Variants in ST18 observed in about 807,000 individuals in gnomAD.
ST18 encodes suppression of tumorigenicity 18 protein.
ST18 carries 50 observed loss-of-function variants against 110.0 expected under a neutral mutation model. The observed-to-expected ratio is 0.45, with a 90% CI of 0.36 to 0.58. The LOEUF (loss-of-function observed/expected upper bound fraction) is 0.58, where lower values mean the gene tolerates loss of function less well. Ranked by LOEUF, ST18 falls within the 20% of genes least tolerant of loss-of-function variation. The probability of loss-of-function intolerance (pLI) is 0.00; values close to 1 mark genes in which losing one functional copy is unlikely to be tolerated. For missense variants in ST18, 1,306 were observed against 1,280.1 expected (o/e 1.02, Z -0.31); for synonymous variants, 461 against 452.4 (o/e 1.02, Z -0.24).
At chr8:52,234,310 G>A (rs1330985835) in intron 2 of ST18, among the ~76,000 whole-genome samples, 1 of 152,100 alleles carries the variant, frequency 6.6e-6, no homozygotes, top group Non-Finnish European at 1.5e-5. Flanking sequence ...TGTCACCCAG[G>A]CTGGAGTGCA....
At chr8:52,226,213 G>A (rs1285541971) in intron 3 of ST18, among the ~76,000 whole-genome samples, 2 of 152,142 alleles carry the variant, frequency 1.3e-5, no homozygotes, top group African/African-American at 4.8e-5. Flanking sequence ...CTTCCTTCAG[G>A]CCTTTCAACA....
At chr8:52,236,824 C>A (rs1207656766) in intron 2 of ST18, among the ~76,000 whole-genome samples, 1 of 152,060 alleles carries the variant, frequency 6.6e-6, no homozygotes. Flanking sequence ...ATAATGGGAA[C>A]ACTGAAATAA....
chr8:52,198,677 C>T (rs1008440912), intron 8 of ST18, among the ~76,000 whole-genome samples: 2 of 152,160 alleles, frequency 1.3e-5, no homozygotes, highest in Non-Finnish European at 2.9e-5. Context: ...TGTAATATCT[C>T]TATGTGTGAG....
chr8:52,361,037 G>A (rs929337120), intron 2 of ST18, among the ~76,000 whole-genome samples: 4 of 152,118 alleles, frequency 2.6e-5, no homozygotes, highest in Non-Finnish European at 5.9e-5. Flanking sequence ...TCTTACCATT[G>A]ACTACTTTCT....
At chr8:52,244,724 A>G (rs891992794) in intron 2 of ST18, among the ~76,000 whole-genome samples, 3 of 152,198 alleles carry the variant, frequency 2.0e-5, no homozygotes, top group Non-Finnish European at 1.5e-5. Context: ...AGGGCACTGT[A>G]CTTGAAAGGT....
At chr8:52,130,159 G>GAAAGAA (rs1362763273) in intron 22 of ST18, among the ~76,000 whole-genome samples, 9 of 148,572 alleles carry the variant, frequency 6.1e-5, no homozygotes, top group Admixed American at 4.0e-4. Flanking sequence ...AAGAAAGAAA[G>GAAAGAA]AAAGAAAAAG....
At chr8:52,248,919 G>A (rs1305933563) in intron 2 of ST18, among the ~76,000 whole-genome samples, 1 of 152,004 alleles carries the variant, frequency 6.6e-6, no homozygotes, top group African/African-American at 2.4e-5. Flanking sequence ...TAGGGGCTGG[G>A]GCAATTTTAC....
chr8:52,300,820 C>T (rs996276141), intron 2 of ST18, among the ~76,000 whole-genome samples: 1 of 152,054 alleles, frequency 6.6e-6, no homozygotes, highest in Non-Finnish European at 1.5e-5. Flanking sequence ...TACTCCTGGC[C>T]CTTTACAGAA....
intron 23 of ST18, 83 bp downstream of exon 23, chr8:52,125,969 G>T: frequency 1.0e-6 from 1 of 998,568 alleles, no homozygotes. Context: ...CCCACCTAGA[G>T]AATACTTTGA....
At chr8:52,359,573 C>G (rs1320008561) in intron 2 of ST18, among the ~76,000 whole-genome samples, 1 of 152,046 alleles carries the variant, frequency 6.6e-6, no homozygotes, top group Non-Finnish European at 1.5e-5. Context: ...TCAGAACTTT[C>G]CAATGAAACA....
At chr8:52,163,034 C>T (rs1388491672) in intron 13 of ST18, among the ~76,000 whole-genome samples, 1 of 152,088 alleles carries the variant, frequency 6.6e-6, no homozygotes, top group Non-Finnish European at 1.5e-5. Flanking sequence ...AAGAAATGAG[C>T]AAAATGAAAT....
chr8:52,237,258 A>G (rs1589089111), intron 2 of ST18, among the ~76,000 whole-genome samples: 1 of 152,360 alleles, frequency 6.6e-6, no homozygotes, highest in South Asian at 2.1e-4. Context: ...TAATGAGAGT[A>G]ATTAAATCTC....
At chr8:52,297,732 CAT>C (rs1307236598) in intron 2 of ST18, among the ~76,000 whole-genome samples, 4 of 152,210 alleles carry the variant, frequency 2.6e-5, no homozygotes, top group Admixed American at 1.3e-4. Flanking sequence ...GATTAAAAAA[CAT>C]ATTTTAAATT....
At chr8:52,207,856 A>G (rs902498734) in intron 8 of ST18, among the ~76,000 whole-genome samples, 3 of 152,240 alleles carry the variant, frequency 2.0e-5, no homozygotes, top group African/African-American at 4.8e-5. Flanking sequence ...CACTTTGCCA[A>G]TGCAAGAGAC....
intron 8 of ST18, among the ~76,000 whole-genome samples, chr8:52,211,549 G>A (rs2082177397): frequency 1.3e-5 from 2 of 151,838 alleles, no homozygotes; most frequent in East Asian, 3.9e-4. Context: ...TGAAACTATA[G>A]GCACACGCCA....
At chr8:52,283,428 G>A (rs2095419201) in intron 2 of ST18, among the ~76,000 whole-genome samples, 1 of 152,180 alleles carries the variant, frequency 6.6e-6, no homozygotes, top group Admixed American at 6.5e-5. Context: ...TCCACAGTCT[G>A]GGAACTGACA....
At chr8:52,377,954 C>T (rs1487168765) in intron 2 of ST18, among the ~76,000 whole-genome samples, 1 of 152,056 alleles carries the variant, frequency 6.6e-6, no homozygotes, top group African/African-American at 2.4e-5. Flanking sequence ...CAGCAACATG[C>T]ATGGAACTAG....
At chr8:52,274,761 A>G (rs2095184273) in intron 2 of ST18, among the ~76,000 whole-genome samples, 1 of 152,162 alleles carries the variant, frequency 6.6e-6, no homozygotes. Flanking sequence ...AATTTTTAAA[A>G]CTTGTCCAGA....
intron 10 of ST18, among the ~76,000 whole-genome samples, chr8:52,168,332 G>A (rs12550505): frequency 4.6e-5 from 7 of 151,184 alleles, no homozygotes; most frequent in African/African-American, 1.2e-4. Flanking sequence ...CTGCGTGCGA[G>A]GGTGCGGAGC....
Sources: allele counts gnomAD v4.1 joint callset (sites outside exome capture counted in the v4.1 genomes callset), GRCh38; gene constraint gnomAD v4.1.1; transcripts MANE v1.5; gene names NCBI Gene and HGNC (gene_info 2026-07-23, HGNC 2026-07-21).